Variants in PEX5L observed in about 807,000 individuals in gnomAD.
PEX5L encodes PEX5-related protein.
PEX5L carries 30 observed loss-of-function variants against 84.0 expected under a neutral mutation model. The observed-to-expected ratio is 0.36, with a 90% CI of 0.27 to 0.48. PEX5L has a LOEUF of 0.48. Ranked by LOEUF, PEX5L falls within the 20% of genes least tolerant of loss-of-function variation. PEX5L has a pLI of 0.99. For missense variants in PEX5L, 533 were observed against 754.6 expected (o/e 0.71, Z 3.44); for synonymous variants, 270 against 283.1 (o/e 0.95, Z 0.46).
intron 8 of PEX5L, among the ~76,000 whole-genome samples, chr3:179,852,514 T>C (rs1218952027): frequency 1.3e-5 from 2 of 152,204 alleles, no homozygotes; most frequent in African/African-American, 4.8e-5. Context: ...TTTGTGGACA[T>C]GTTAAACTAT....
At chr3:179,808,074 A>G (rs1722108667) in intron 13 of PEX5L, among the ~76,000 whole-genome samples, 198 bp downstream of exon 13, 1 of 152,212 alleles carries the variant, frequency 6.6e-6, no homozygotes, top group Non-Finnish European at 1.5e-5. Flanking sequence ...TTTCTATTTT[A>G]GGTATTTCAA....
chr3:180,004,889 A>T (rs1237417012), intron 1 of PEX5L, among the ~76,000 whole-genome samples: 2 of 152,136 alleles, frequency 1.3e-5, no homozygotes, highest in Non-Finnish European at 2.9e-5. Flanking sequence ...GCATACTAGA[A>T]TTAGTTAAAA....
intron 8 of PEX5L, among the ~76,000 whole-genome samples, chr3:179,853,371 C>G (rs1742671393): frequency 6.6e-6 from 1 of 152,178 alleles, no homozygotes; most frequent in African/African-American, 2.4e-5. Context: ...CTTTCCCTTC[C>G]TGCTAACGTT....
intron 1 of PEX5L, among the ~76,000 whole-genome samples, chr3:179,981,974 T>C (rs1786373801): frequency 6.6e-6 from 1 of 152,198 alleles, no homozygotes; most frequent in African/African-American, 2.4e-5. Flanking sequence ...AAAAGAAATA[T>C]ATTTACTTAA....
intron 2 of PEX5L, among the ~76,000 whole-genome samples, chr3:179,914,414 T>C (rs1766279587): frequency 6.6e-6 from 1 of 152,226 alleles, no homozygotes; most frequent in South Asian, 2.1e-4. Flanking sequence ...CTTCTCGTCA[T>C]CTTTACTTGG....
intron 4 of PEX5L, among the ~76,000 whole-genome samples, 164 bp downstream of exon 4, chr3:179,887,509 C>A (rs1328214907): frequency 1.3e-5 from 2 of 152,162 alleles, no homozygotes; most frequent in East Asian, 3.8e-4. Context: ...ATATACATTG[C>A]AATTTCTGTG....
chr3:180,023,312 G>A (rs557954931), intron 1 of PEX5L, among the ~76,000 whole-genome samples: 41 of 152,244 alleles, frequency 2.7e-4, no homozygotes, highest in African/African-American at 8.9e-4. Context: ...AGTGACTATT[G>A]TAGCAGAGAT....
chr3:179,905,972 C>T (rs1763067455), intron 2 of PEX5L, among the ~76,000 whole-genome samples: 1 of 151,956 alleles, frequency 6.6e-6, no homozygotes, highest in South Asian at 2.1e-4. Context: ...ATTATATGGC[C>T]AACTTTGATA....
intron 3 of PEX5L, among the ~76,000 whole-genome samples, chr3:179,890,414 A>T (rs536541949): frequency 1.3e-5 from 2 of 152,346 alleles, no homozygotes; most frequent in South Asian, 4.1e-4. Context: ...AATTGTATAA[A>T]GCGCAAAGAC....
At chr3:180,026,135 T>A (rs913619052) in intron 1 of PEX5L, among the ~76,000 whole-genome samples, 9 of 101,304 alleles carry the variant, frequency 8.9e-5, no homozygotes, top group Non-Finnish European at 1.5e-4. Flanking sequence ...TCAGCATTCT[T>A]TTTTTTTTTT....
rs1018630187 is a variant in PEX5L, at chr3:179,829,671, G to A, written c.823-9695C>T. Among the ~76,000 whole-genome samples the A allele has an allele frequency of 3.3e-5, 5 of 151,660 alleles. No homozygotes were observed. In the South Asian group the frequency reaches 8.3e-4, roughly 25 times the overall value. On this transcript the variant is annotated intron_variant, in intron 8 of 14. Coordinates refer to ENST00000467460, the MANE Select transcript of PEX5L (RefSeq NM_016559.3). ...AGGAATGAACGGGTTCTTTTCTCCC[G>A]TTTTCCTTTGATGCAGGCAAACGTC...
Position 179,916,387 on chromosome 3 carries a change from T to C in PEX5L, c.94-18141A>G, listed in dbSNP as rs184370878. On this transcript the variant is annotated intron_variant, in intron 2 of 14. Coordinates refer to ENST00000467460, the MANE Select transcript of PEX5L (RefSeq NM_016559.3). ...GGTTAAGCATTTGTGTATCCAAACATATCTAAATGTAGAAAATGTAGAGTA... is the reference window on the plus strand; with the variant it reads ...GGTTAAGCATTTGTGTATCCAAACACATCTAAATGTAGAAAATGTAGAGTA... 1.7e-3 allele frequency among the ~76,000 whole-genome samples: 252 copies of C among 152,290 alleles called. 1 individual carries two copies. Among genetic ancestry groups the C allele is most frequent in the African/African-American group, 5.6e-3 (231 of 41,550 alleles).
intron 2 of PEX5L, among the ~76,000 whole-genome samples, chr3:179,913,926 CTCTT>C (rs1766083086): frequency 6.6e-6 from 1 of 151,952 alleles, no homozygotes; most frequent in Non-Finnish European, 1.5e-5. Context: ...ACATTTTTAT[CTCTT>C]TCTCCTTTTC....
At chr3:179,818,178 G>A (rs1334741080) in intron 9 of PEX5L, among the ~76,000 whole-genome samples, 1 of 152,022 alleles carries the variant, frequency 6.6e-6, no homozygotes, top group African/African-American at 2.4e-5. Context: ...TATCATGAAT[G>A]CTATCCAGAA....
intron 8 of PEX5L, among the ~76,000 whole-genome samples, chr3:179,829,837 C>T (rs772502332): frequency 1.1e-4 from 16 of 139,422 alleles, no homozygotes; most frequent in South Asian, 2.3e-4. Flanking sequence ...AGTGCAGTGG[C>T]GTGATCTTGG....
rs1038165909 is a variant in PEX5L at position 179,818,589 on chromosome 3, C to T, written c.939+1271G>A. ...CCCATTAACCATCCCCAGTTCCCTA[C>T]CCCCCTCCCCTGCCCATTACCCTTC... On this transcript the variant is annotated intron_variant, in intron 9 of 14. Coordinates refer to ENST00000467460, the MANE Select transcript of PEX5L (RefSeq NM_016559.3). 2.6e-5 allele frequency among the ~76,000 whole-genome samples: 4 copies of T among 151,626 alleles called. No homozygotes were observed. The East Asian group carries it at 5.8e-4, about 22-fold the overall frequency.
chr3:179,802,146 T>C, intron 14 of PEX5L, 114 bp from the exon 15 acceptor site: 1 of 716,812 alleles, frequency 1.4e-6, no homozygotes, highest in Non-Finnish European at 2.4e-6. Flanking sequence ...TTAAATCACC[T>C]CTTACGTGTT....
intron 1 of PEX5L, among the ~76,000 whole-genome samples, chr3:179,983,770 G>A (rs1024423713): frequency 6.6e-6 from 1 of 151,980 alleles, no homozygotes; most frequent in Non-Finnish European, 1.5e-5. Context: ...ATAGATGAAT[G>A]AAAATTAGAG....
intron 1 of PEX5L, among the ~76,000 whole-genome samples, chr3:180,030,762 AACTTGCT>A (rs1791382114): frequency 6.6e-6 from 1 of 152,134 alleles, no homozygotes; most frequent in African/African-American, 2.4e-5. Context: ...TGGGGAAAAT[AACTTGCT>A]ACATCAAGTC....
Sources: allele counts gnomAD v4.1 joint callset (sites outside exome capture counted in the v4.1 genomes callset), GRCh38; gene constraint gnomAD v4.1.1; transcripts MANE v1.5; gene names NCBI Gene and HGNC (gene_info 2026-07-23, HGNC 2026-07-21).